CFAP299: variants seen among roughly 807,000 people sequenced by gnomAD.
CFAP299 encodes the protein cilia and flagella associated protein 299, also known as cilia- and flagella-associated protein 299.
A neutral mutation model predicts 27.0 loss-of-function variants in CFAP299; 21 were observed. The observed-to-expected ratio is 0.78, with a 90% CI of 0.55 to 1.12. The LOEUF is 1.12. Ranked by LOEUF, CFAP299 falls within the 50% of genes most tolerant of loss-of-function variation. The probability of loss-of-function intolerance (pLI) is 0.00; values close to 1 mark genes in which losing one functional copy is unlikely to be tolerated. For synonymous variants in CFAP299, 104 were observed against 98.1 expected (o/e 1.06, Z -0.36); for missense variants, 310 against 276.6 (o/e 1.12, Z -0.86).
chr4:80,638,388 C>G (rs564740506), intron 3 of CFAP299, among the ~76,000 whole-genome samples: 1 of 152,202 alleles, frequency 6.6e-6, no homozygotes, highest in South Asian at 2.1e-4. Flanking sequence ...AGCTGTGAAG[C>G]CTATTTAGCC....
At chr4:80,663,679 G>T (rs1740986211) in intron 3 of CFAP299, among the ~76,000 whole-genome samples, 2 of 152,096 alleles carry the variant, frequency 1.3e-5, no homozygotes, top group African/African-American at 4.8e-5. Context: ...CCAAATAGTG[G>T]TTCTGGTTCT....
intron 3 of CFAP299, among the ~76,000 whole-genome samples, chr4:80,800,198 A>AATATAAT (rs1439578805): frequency 1.3e-5 from 1 of 74,660 alleles, no homozygotes; most frequent in African/African-American, 5.5e-5. Context: ...AATACTATAT[A>AATATAAT]ATATAATATA....
At chr4:80,497,770 C>T (rs1039843466) in intron 2 of CFAP299, among the ~76,000 whole-genome samples, 4 of 152,000 alleles carry the variant, frequency 2.6e-5, no homozygotes, top group Non-Finnish European at 4.4e-5. Context: ...CTAAAAGTCA[C>T]ATGGAACTGA....
chr4:80,818,011 C>T lies in CFAP299; in HGVS notation c.334-51982C>T, dbSNP rs1051913615. 3.9e-5 allele frequency among the ~76,000 whole-genome samples: 6 copies of T among 152,046 alleles called. No individual in the cohort carries two copies. The East Asian group carries it at 7.7e-4, about 20-fold the overall frequency. On this transcript the variant is annotated intron_variant, in intron 3 of 5. Transcript: ENST00000358105. ...TCTCTCTTCCCCAACCCCCTGCCTC[C>T]GATAAGCCCCAGTGTGAGTGTGGTA...
chr4:80,808,964 G>T (rs1398885456), intron 3 of CFAP299, among the ~76,000 whole-genome samples: 2 of 152,090 alleles, frequency 1.3e-5, no homozygotes, highest in East Asian at 3.8e-4. Flanking sequence ...ATTTTCGTAA[G>T]GGATTATTCA....
intron 1 of CFAP299, among the ~76,000 whole-genome samples, chr4:80,349,364 T>C (rs1028970652): frequency 1.3e-5 from 2 of 152,200 alleles, no homozygotes; most frequent in Admixed American, 6.6e-5. Context: ...CAATACAAAT[T>C]CACTACATAT....
intron 2 of CFAP299, among the ~76,000 whole-genome samples, chr4:80,499,571 G>C (rs1731639793): frequency 6.6e-6 from 1 of 151,458 alleles, no homozygotes; most frequent in Admixed American, 6.6e-5. Context: ...TTTGATTTAG[G>C]CATGTCTCTT....
intron 4 of CFAP299, among the ~76,000 whole-genome samples, chr4:80,944,481 A>G (rs776837178): frequency 1.3e-5 from 2 of 152,204 alleles, no homozygotes; most frequent in Non-Finnish European, 2.9e-5. Flanking sequence ...TAATACCCTG[A>G]AGAACCTGAA....
intron 2 of CFAP299, among the ~76,000 whole-genome samples, chr4:80,383,106 C>T (rs547870337): frequency 3.3e-5 from 5 of 152,138 alleles, no homozygotes; most frequent in South Asian, 2.1e-4. Flanking sequence ...TGTATGTTCT[C>T]ACTTATAAGT....
chr4:80,667,496 C>G (rs1186848884), intron 3 of CFAP299, among the ~76,000 whole-genome samples: 1 of 152,056 alleles, frequency 6.6e-6, no homozygotes, highest in African/African-American at 2.4e-5. Flanking sequence ...CCCTCACTTG[C>G]CCCTCAACCT....
chr4:80,354,753 G>C (rs1359014927), intron 1 of CFAP299, among the ~76,000 whole-genome samples: 1 of 151,884 alleles, frequency 6.6e-6, no homozygotes, highest in African/African-American at 2.4e-5. Flanking sequence ...GCTCCTACTT[G>C]TAAGTAATAA....
intron 4 of CFAP299, among the ~76,000 whole-genome samples, chr4:80,927,240 CATTATA>C (rs1396015920): frequency 1.3e-5 from 2 of 152,170 alleles, no homozygotes; most frequent in South Asian, 2.1e-4. Flanking sequence ...TCCCTGATTA[CATTATA>C]ATTATAACTT....
chr4:80,882,247 T>C (rs1479184050), intron 4 of CFAP299, among the ~76,000 whole-genome samples: 1 of 152,106 alleles, frequency 6.6e-6, no homozygotes, highest in Non-Finnish European at 1.5e-5. Context: ...GCTAGATTCA[T>C]GAAGGCCAAA....
chr4:80,687,829 G>A (rs1005674435), intron 3 of CFAP299, among the ~76,000 whole-genome samples: 94 of 152,290 alleles, frequency 6.2e-4, no homozygotes, highest in Admixed American at 5.7e-3. Flanking sequence ...CAGTGGGTGC[G>A]CGCACCGTGC....
chr4:80,369,451 T>G (rs1190124359), intron 2 of CFAP299, among the ~76,000 whole-genome samples: 1 of 152,214 alleles, frequency 6.6e-6, no homozygotes, highest in Non-Finnish European at 1.5e-5. Flanking sequence ...CCCAAAATCC[T>G]TATTCACAAA....
intron 3 of CFAP299, among the ~76,000 whole-genome samples, chr4:80,835,480 T>TA (rs75865319): frequency 0.13 from 19,224 of 143,144 alleles, 1,323 homozygotes; most frequent in African/African-American, 0.19. Context: ...GCACCCACAT[T>TA]AAAAAAAAAA....
intron 3 of CFAP299, among the ~76,000 whole-genome samples, chr4:80,760,438 C>T (rs999558313): frequency 2.0e-5 from 3 of 152,194 alleles, no homozygotes; most frequent in African/African-American, 7.2e-5. Context: ...CATATGTAAC[C>T]ATAATAACGC....
chr4:80,874,042 C>A (rs139642062), intron 4 of CFAP299, among the ~76,000 whole-genome samples: 1 of 152,244 alleles, frequency 6.6e-6, no homozygotes, highest in African/African-American at 2.4e-5. Flanking sequence ...ATGCACTTAT[C>A]CTGTGCTTAA....
chr4:80,391,536 G>A (rs1049893647), intron 2 of CFAP299, among the ~76,000 whole-genome samples: 2 of 152,184 alleles, frequency 1.3e-5, no homozygotes, highest in East Asian at 1.9e-4. Context: ...GACAGACTGC[G>A]TATGCAAGGT....
Sources: allele counts gnomAD v4.1 joint callset (sites outside exome capture counted in the v4.1 genomes callset), GRCh38; gene constraint gnomAD v4.1.1; transcripts MANE v1.5; gene names NCBI Gene and HGNC (gene_info 2026-07-23, HGNC 2026-07-21).